Variants in LY96 observed in about 807,000 individuals in gnomAD.
LY96 encodes lymphocyte antigen 96.
In LY96, 18 loss-of-function variants were observed where a neutral mutation model predicts 18.9. That is an observed-to-expected ratio of 0.95 (90% CI 0.66 to 1.41). The LOEUF (loss-of-function observed/expected upper bound fraction) is 1.41. Among genes scored for constraint, LY96 ranks in the 40% most tolerant of loss-of-function variants. LY96 has a pLI of 0.00. For synonymous variants in LY96, 66 were observed against 62.6 expected (o/e 1.06, Z -0.26); for missense variants, 175 against 182.4 (o/e 0.96, Z 0.23).
intron 1 of LY96, among the ~76,000 whole-genome samples, chr8:74,002,038 C>T (rs1258460748): frequency 0.011 from 295 of 25,940 alleles, no homozygotes; most frequent in African/African-American, 0.02. Flanking sequence ...TTCCTTCCTT[C>T]CTTCCTTCCT....
chr8:74,087,760 A>G, the LY96 span, among the ~76,000 whole-genome samples: 1 of 152,194 alleles, frequency 6.6e-6, no homozygotes, highest in Non-Finnish European at 1.5e-5. Flanking sequence ...TTGTTCTTTT[A>G]GATGTTGTCC....
chr8:74,084,296 G>A, the LY96 span, among the ~76,000 whole-genome samples: 1 of 152,216 alleles, frequency 6.6e-6, no homozygotes, highest in East Asian at 1.9e-4. Flanking sequence ...CAGTCCTGAT[G>A]CACGGATTAA....
the LY96 span, among the ~76,000 whole-genome samples, chr8:74,064,319 C>G: frequency 6.6e-6 from 1 of 152,112 alleles, no homozygotes; most frequent in Non-Finnish European, 1.5e-5. Flanking sequence ...CTCCAAATCT[C>G]ATGTTAAAAT....
the LY96 span, among the ~76,000 whole-genome samples, chr8:74,069,406 A>G: frequency 2.0e-5 from 3 of 152,136 alleles, no homozygotes; most frequent in Non-Finnish European, 2.9e-5. Flanking sequence ...CTTCATGCAC[A>G]TATCCTCAGG....
chr8:74,036,271 G>C, the LY96 span, among the ~76,000 whole-genome samples: 2 of 152,192 alleles, frequency 1.3e-5, no homozygotes, highest in Non-Finnish European at 2.9e-5. Flanking sequence ...TAGAATTATG[G>C]GAGGTGCCTG....
At chr8:74,070,130 T>C in the LY96 span, among the ~76,000 whole-genome samples, 3 of 151,812 alleles carry the variant, frequency 2.0e-5, no homozygotes, top group Non-Finnish European at 2.9e-5. Flanking sequence ...GTCACTCTGT[T>C]GCCCAGGCTA....
At chr8:74,067,170 T>A in the LY96 span, among the ~76,000 whole-genome samples, 16 of 152,332 alleles carry the variant, frequency 1.1e-4, no homozygotes, top group East Asian at 1.9e-3. Context: ...TAGGTATGTG[T>A]GCATGACAGC....
the LY96 span, chr8:74,052,577 A>C: frequency 2.6e-5 from 4 of 152,282 alleles, no homozygotes; most frequent in Non-Finnish European, 5.9e-5. Flanking sequence ...TGTAGCAGCA[A>C]GCCCAACTAT....
chr8:73,996,373 C>CA (rs1816136658), intron 1 of LY96, among the ~76,000 whole-genome samples: 2 of 18,024 alleles, frequency 1.1e-4, no homozygotes, highest in African/African-American at 4.5e-4. Flanking sequence ...TCCTTCATTC[C>CA]TTTCTTTCTT....
chr8:74,018,390 G>A (rs1200062686), intron 3 of LY96, among the ~76,000 whole-genome samples: 1 of 152,144 alleles, frequency 6.6e-6, no homozygotes, highest in Non-Finnish European at 1.5e-5. Context: ...AAATATATAT[G>A]CACCCAATAC....
chr8:74,035,853 A>G, the LY96 span, among the ~76,000 whole-genome samples: 1 of 152,194 alleles, frequency 6.6e-6, no homozygotes, highest in Non-Finnish European at 1.5e-5. Context: ...TATGACCTGG[A>G]AGCCCCTCAA....
chr8:74,017,873 G>T (rs1816676539), intron 3 of LY96, among the ~76,000 whole-genome samples: 1 of 152,148 alleles, frequency 6.6e-6, no homozygotes, highest in Non-Finnish European at 1.5e-5. Context: ...CCACCACCAG[G>T]CCTGCCTTAC....
the LY96 span, among the ~76,000 whole-genome samples, chr8:74,068,596 A>C: frequency 6.6e-6 from 1 of 152,140 alleles, no homozygotes; most frequent in African/African-American, 2.4e-5. Flanking sequence ...CTTACTCTAC[A>C]TTCTCTCTAA....
At chr8:74,084,413 T>C in the LY96 span, among the ~76,000 whole-genome samples, 1 of 152,230 alleles carries the variant, frequency 6.6e-6, no homozygotes, top group East Asian at 1.9e-4. Context: ...ACTTCTCTTA[T>C]AAGCATTTGT....
chr8:73,996,392 T>C lies in LY96; in HGVS notation c.112+4838T>C, dbSNP rs1331567261. 4.5e-3 allele frequency among the ~76,000 whole-genome samples: 185 copies of C among 41,160 alleles called. 3 individuals carry two copies. Among genetic ancestry groups the C allele is most frequent in the Middle Eastern group, 0.023 (2 of 88 alleles). The allele number at this position is 41,160 out of a possible 152,430, so 27.0% of individuals were successfully genotyped here. ...TCATTCCTTTCTTTCTTTCTTTCTT[T>C]CTTTCTTTCTTTCTTTCTTTCTTTC... On this transcript the variant is annotated intron_variant, in intron 1 of 4. Transcript: ENST00000284818.
At chr8:74,031,527 G>A (rs1432276283), downstream of LY96, among the ~76,000 whole-genome samples, 2 of 151,822 alleles carry the variant, frequency 1.3e-5, no homozygotes, top group African/African-American at 2.4e-5. Flanking sequence ...TCAGGAGGCT[G>A]AGGCTGAGGC....
downstream of LY96, among the ~76,000 whole-genome samples, chr8:74,033,566 C>G (rs1817004215): frequency 6.6e-6 from 1 of 152,186 alleles, no homozygotes; most frequent in African/African-American, 2.4e-5. Flanking sequence ...AGGACTGATT[C>G]TAACTTTATA....
chr8:74,030,630 G>A (rs185695614), downstream of LY96, among the ~76,000 whole-genome samples: 13 of 152,198 alleles, frequency 8.5e-5, no homozygotes, highest in East Asian at 2.1e-3. Context: ...TAAACTCCTC[G>A]TGTGTGTTTG....
chr8:74,094,250 T>C, the LY96 span, among the ~76,000 whole-genome samples: 1 of 150,472 alleles, frequency 6.6e-6, no homozygotes, highest in African/African-American at 2.5e-5. Context: ...GTAGTGGGTG[T>C]GTGTATGTGT....
Sources: gnomAD v4.1 joint callset for allele counts (sites outside exome capture counted in the v4.1 genomes callset) on GRCh38, gnomAD v4.1.1 for gene constraint, MANE v1.5 for transcripts, NCBI Gene and HGNC (gene_info 2026-07-23, HGNC 2026-07-21) for gene names.